The following CGNL1 variants were observed in gnomAD, a reference collection of about 807,000 sequenced individuals.
CGNL1 encodes the protein cingulin like 1.
In CGNL1, 132 loss-of-function variants were observed where a neutral mutation model predicts 141.2. The observed-to-expected ratio is 0.93, with a 90% CI of 0.81 to 1.08. The LOEUF (loss-of-function observed/expected upper bound fraction) is 1.08, where lower values mean the gene tolerates loss of function less well. CGNL1 is among the 50% of genes least tolerant of loss of function. The pLI is 0.00. For synonymous variants in CGNL1, 690 were observed against 622.1 expected (o/e 1.11, Z -1.63); for missense variants, 1,870 against 1,588.6 (o/e 1.18, Z -3.01).
chr15:57,387,584 C>T (rs2062497710), intron 1 of CGNL1, among the ~76,000 whole-genome samples: 1 of 152,158 alleles, frequency 6.6e-6, no homozygotes, highest in Admixed American at 6.5e-5. Flanking sequence ...AGTGGTGCTT[C>T]ATTTCCCCAT....
chr15:57,520,919 T>G (rs1029394488), intron 10 of CGNL1, among the ~76,000 whole-genome samples: 3 of 152,180 alleles, frequency 2.0e-5, no homozygotes, highest in Admixed American at 2.0e-4. Flanking sequence ...ATGAGCCAAT[T>G]GGGACCTCAA....
intron 1 of CGNL1, among the ~76,000 whole-genome samples, chr15:57,415,355 G>T (rs2062837359): frequency 6.6e-6 from 1 of 152,208 alleles, no homozygotes; most frequent in Admixed American, 6.5e-5. Context: ...GGGAGACAGG[G>T]AGGCAGGAAA....
chr15:57,446,054 C>T (rs772443933), intron 4 of CGNL1, among the ~76,000 whole-genome samples: 1 of 152,310 alleles, frequency 6.6e-6, no homozygotes, highest in Middle Eastern at 3.4e-3. Flanking sequence ...GATGGAATCT[C>T]ACTGGCGGTG....
intron 5 of CGNL1, 33 bp downstream of exon 5, chr15:57,451,634 A>G: frequency 6.7e-6 from 10 of 1,481,904 alleles, no homozygotes; most frequent in Non-Finnish European, 9.3e-6. Flanking sequence ...TATTTTTTCC[A>G]TTTCTGTCTT....
intron 14 of CGNL1, among the ~76,000 whole-genome samples, chr15:57,540,179 C>T (rs117663135): frequency 2.0e-4 from 31 of 152,244 alleles, no homozygotes; most frequent in Non-Finnish European, 3.7e-4. Context: ...TGCCCCCTTC[C>T]GGTTTTGAAA....
chr15:57,453,989 C>T (rs1197913043), intron 7 of CGNL1, among the ~76,000 whole-genome samples, 171 bp downstream of exon 7: 3 of 152,186 alleles, frequency 2.0e-5, no homozygotes, highest in African/African-American at 7.2e-5. Context: ...CTCAGCTTGG[C>T]ATTTGCTAAT....
chr15:57,442,867 C>T (rs945488310), intron 4 of CGNL1, among the ~76,000 whole-genome samples: 3 of 152,208 alleles, frequency 2.0e-5, no homozygotes, highest in Non-Finnish European at 4.4e-5. Flanking sequence ...AATCCACTCA[C>T]GTTGGCCTCC....
At chr15:57,405,772 C>CTT (rs1555430993) in intron 1 of CGNL1, among the ~76,000 whole-genome samples, 6 of 123,492 alleles carry the variant, frequency 4.9e-5, no homozygotes, top group African/African-American at 2.0e-4. Flanking sequence ...TTCTTTCTTT[C>CTT]TCTTTCTTTC....
rs2032857313 is a variant in CGNL1 at position 57,546,194 on chromosome 15, A to G, written c.3728A>G (p.Asn1243Ser). The G allele has an allele frequency of 1.2e-6, 2 of 1,605,686 alleles. No individual in the cohort carries two copies. The highest frequency in any genetic ancestry group is 1.7e-6 in the Non-Finnish European group (2 of 1,175,980). ...QRELEEQMDMNEHLQGQLNSM... is the reference protein window; with the variant it reads ...QRELEEQMDMSEHLQGQLNSM... The stretch of plus-strand genomic sequence containing the variant: ...GAGCTGGAGGAGCAGATGGACATGA[A>G]TGAGCATCTGCAGGGGCAGCTCAAC... The change falls in exon 18 of 19, where the codon AAT becomes AGT. Residue 1243 changes from asparagine to serine, a missense_variant. Physicochemically the swap from Asn to Ser is conservative, Grantham distance 46. Transcript: ENST00000281282.
At chr15:57,418,016 G>A (rs2062869165) in intron 1 of CGNL1, among the ~76,000 whole-genome samples, 1 of 152,162 alleles carries the variant, frequency 6.6e-6, no homozygotes, top group Non-Finnish European at 1.5e-5. Flanking sequence ...GGGGTTGGTA[G>A]TAGAAGCAGC....
chr15:57,411,003 G>C (rs2062780465), intron 1 of CGNL1, among the ~76,000 whole-genome samples: 1 of 152,046 alleles, frequency 6.6e-6, no homozygotes, highest in Admixed American at 6.6e-5. Flanking sequence ...AATTGTTACT[G>C]TACCACAAAG....
intron 1 of CGNL1, among the ~76,000 whole-genome samples, chr15:57,392,528 G>A (rs2062554676): frequency 3.9e-5 from 6 of 152,198 alleles, no homozygotes; most frequent in Admixed American, 3.3e-4. Context: ...CAGCAAGAAA[G>A]TACATTCTGC....
intron 14 of CGNL1, 140 bp from the exon 15 acceptor site, chr15:57,543,556 G>C: frequency 1.4e-6 from 1 of 694,452 alleles, no homozygotes; most frequent in Non-Finnish European, 2.6e-6. Flanking sequence ...CCGTACCCCA[G>C]AGCAGATGGC....
rs1340875981 is a variant in CGNL1 at position 57,523,591 on chromosome 15, G to C, written c.2818G>C (p.Glu940Gln). 6.2e-7 allele frequency: 1 copy of C among 1,614,218 alleles called. No individual in the cohort carries two copies. Among genetic ancestry groups the C allele is most frequent in the South Asian group, 1.1e-5 (1 of 91,078 alleles). Residue 940 changes from glutamate to glutamine, a missense_variant, in exon 11 of 19, where the codon GAG becomes CAG. Physicochemically the swap from Glu to Gln is conservative, Grantham distance 29. Coordinates refer to ENST00000281282, the MANE Select transcript of CGNL1 (RefSeq NM_032866.5). Reference sequence around the variant, plus strand: ...GCTAAGAAGGTTGAAGAACGAGATGGAGAATGAGCGGTGGCACCTGGGCAA... The same window carrying C: ...GCTAAGAAGGTTGAAGAACGAGATGCAGAATGAGCGGTGGCACCTGGGCAA... ...EQLRRLKNEM[E>Q]NERWHLGKTI...
chr15:57,411,881 A>G (rs1280255837), intron 1 of CGNL1, among the ~76,000 whole-genome samples: 1 of 151,808 alleles, frequency 6.6e-6, no homozygotes, highest in East Asian at 1.9e-4. Context: ...GCTGTCTTCC[A>G]CCCCTTTCCT....
rs74558764 is a variant in CGNL1, at chr15:57,534,813, G to A, written c.3291+3034G>A. 7.2e-3 allele frequency among the ~76,000 whole-genome samples: 1,097 copies of A among 152,246 alleles called. 9 individuals carry two copies. Among genetic ancestry groups the A allele is most frequent in the Non-Finnish European group, 0.011 (764 of 68,020 alleles). On this transcript the variant is annotated intron_variant, in intron 14 of 18. Coordinates refer to ENST00000281282, the MANE Select transcript of CGNL1 (RefSeq NM_032866.5). ...TGCCTTCCTAGCAAACTGCTACTAG[G>A]CACTGAAAAGAGAATGCATGGGATA...
chr15:57,420,912 C>T (rs2062907128), intron 1 of CGNL1, among the ~76,000 whole-genome samples: 1 of 152,150 alleles, frequency 6.6e-6, no homozygotes, highest in Non-Finnish European at 1.5e-5. Flanking sequence ...TTTTCCCATC[C>T]CCTTGCTTTT....
Position 57,438,004 on chromosome 15 carries a change from A to C in CGNL1, c.5A>C (p.Glu2Ala). 6.2e-7 allele frequency: 1 copy of C among 1,610,392 alleles called. No homozygotes were observed. Among genetic ancestry groups the C allele is most frequent in the South Asian group, 1.1e-5 (1 of 91,002 alleles). M[E>A]LYFGEYQHVQ... ...TGGTAGCTGGAACAGTGAACCATGG[A>C]GCTGTATTTCGGTGAATATCAACAT... is the stretch of plus-strand genomic sequence containing the variant. The change falls in exon 2 of 19, where the codon GAG (glutamate) becomes GCG (alanine). Residue 2 changes from glutamate to alanine, a missense_variant. Glu to Ala is a moderately radical substitution (Grantham distance 107, BLOSUM62 -1). Transcript: ENST00000281282.
intron 1 of CGNL1, among the ~76,000 whole-genome samples, chr15:57,383,737 T>C (rs2062452793): frequency 6.6e-6 from 1 of 151,862 alleles, no homozygotes; most frequent in Non-Finnish European, 1.5e-5. Flanking sequence ...CAAGTGATTC[T>C]CCCACCTCAG....
Sources: allele counts gnomAD v4.1 joint callset (sites outside exome capture counted in the v4.1 genomes callset), GRCh38; gene constraint gnomAD v4.1.1; transcripts MANE v1.5; gene names NCBI Gene and HGNC (gene_info 2026-07-23, HGNC 2026-07-21).